Variants in LINGO2 observed in about 807,000 individuals in gnomAD.
LINGO2 encodes leucine-rich repeat and immunoglobulin-like domain-containing nogo receptor-interacting protein 2.
LINGO2 carries 14 observed loss-of-function variants against 30.6 expected under a neutral mutation model. The observed-to-expected ratio is 0.46, with a 90% CI of 0.30 to 0.72. The LOEUF (loss-of-function observed/expected upper bound fraction) is 0.72. LINGO2 is among the 30% of genes least tolerant of loss of function. The probability of loss-of-function intolerance (pLI) is 0.07; values close to 1 mark genes in which losing one functional copy is unlikely to be tolerated. For missense variants in LINGO2, 729 were observed against 751.7 expected (o/e 0.97, Z 0.35); for synonymous variants, 317 against 288.5 (o/e 1.10, Z -1.00).
intron 4 of LINGO2, among the ~76,000 whole-genome samples, chr9:28,257,039 A>C (rs1324774631): frequency 3.3e-5 from 5 of 151,860 alleles, no homozygotes; most frequent in Non-Finnish European, 7.4e-5. Context: ...ATTTCATGAC[A>C]CAAAAGTATT....
chr9:28,911,690 C>T, the LINGO2 span, among the ~76,000 whole-genome samples: 136,260 of 152,100 alleles, frequency 0.9, 61,319 homozygotes, highest in Non-Finnish European at 0.94. Context: ...TTCAACTCCA[C>T]AGAATGTTGT....
chr9:28,641,537 G>A (rs1247617083), intron 1 of LINGO2, among the ~76,000 whole-genome samples: 2 of 152,114 alleles, frequency 1.3e-5, no homozygotes, highest in Non-Finnish European at 1.5e-5. Context: ...TCTAACTAGA[G>A]GAGACCCAAC....
rs112068774 is a variant in LINGO2, at chr9:28,662,976, G to C, written c.-365+7224C>G. On this transcript the variant is annotated intron_variant, in intron 1 of 5. Coordinates refer to ENST00000379992, the Ensembl canonical transcript of LINGO2. ...TATTAACAAAGTTTCACACATCAAG[G>C]GTAGATGTGTGAGGGTTCAAGGGAG... Among the ~76,000 whole-genome samples the C allele has an allele frequency of 2.6e-4, 40 of 152,136 alleles. 1 individual carries two copies. The highest frequency in any genetic ancestry group is 8.7e-4 in the African/African-American group (36 of 41,530).
intron 3 of LINGO2, among the ~76,000 whole-genome samples, chr9:28,355,323 CTCTGTCTCTG>C (rs1820143622): frequency 1.1e-5 from 1 of 93,150 alleles, no homozygotes; most frequent in Non-Finnish European, 2.6e-5. Flanking sequence ...CTCTCTCTCT[CTCTGTCTCTG>C]TCTCTCTCTC....
chr9:28,981,935 TTCC>T, the LINGO2 span, among the ~76,000 whole-genome samples: 2 of 152,220 alleles, frequency 1.3e-5, no homozygotes, highest in African/African-American at 4.8e-5. Context: ...TGATTCTGCC[TTCC>T]TCAAGATCAC....
intron 5 of LINGO2, among the ~76,000 whole-genome samples, chr9:27,975,622 C>A (rs1434615274): frequency 6.6e-6 from 1 of 151,998 alleles, no homozygotes; most frequent in African/African-American, 2.4e-5. Flanking sequence ...TATATTAAGA[C>A]CCTGTTTTAT....
chr9:28,513,084 T>TACAC (rs57773955), intron 1 of LINGO2, among the ~76,000 whole-genome samples: 6,017 of 146,636 alleles, frequency 0.041, 163 homozygotes, highest in East Asian at 0.081. Flanking sequence ...TTAACCATCA[T>TACAC]ACACACACAC....
chr9:28,265,548 TA>T (rs1194795312), intron 4 of LINGO2, among the ~76,000 whole-genome samples: 1 of 152,022 alleles, frequency 6.6e-6, no homozygotes, highest in Non-Finnish European at 1.5e-5. Flanking sequence ...TGTAAGAAGA[TA>T]TTTTTGCTTT....
chr9:28,447,409 A>G (rs2135051661), intron 2 of LINGO2, among the ~76,000 whole-genome samples: 1 of 152,332 alleles, frequency 6.6e-6, no homozygotes, highest in Middle Eastern at 3.4e-3. Flanking sequence ...CAGAAGAGTG[A>G]GCCATCACCA....
chr9:27,989,160 C>G (rs1821267572), intron 5 of LINGO2, among the ~76,000 whole-genome samples: 1 of 151,960 alleles, frequency 6.6e-6, no homozygotes, highest in African/African-American at 2.4e-5. Context: ...CTGGAAAGCT[C>G]TAACCCAGGT....
chr9:28,311,953 AG>A (rs1279174157), intron 3 of LINGO2, among the ~76,000 whole-genome samples: 1 of 152,192 alleles, frequency 6.6e-6, no homozygotes, highest in African/African-American at 2.4e-5. Flanking sequence ...AAATTATAAA[AG>A]TATTAATTTG....
chr9:28,045,001 C>T (rs969841155), intron 4 of LINGO2, among the ~76,000 whole-genome samples: 1 of 152,040 alleles, frequency 6.6e-6, no homozygotes, highest in Non-Finnish European at 1.5e-5. Flanking sequence ...ATTTCGTAAT[C>T]CCAGTGTGCC....
At chr9:28,411,147 A>C (rs1323820284) in intron 2 of LINGO2, among the ~76,000 whole-genome samples, 3 of 128,000 alleles carry the variant, frequency 2.3e-5, no homozygotes, top group Non-Finnish European at 5.1e-5. Context: ...CTAAACAAAT[A>C]AATGTATGGA....
At chr9:29,034,831 TATC>T in the LINGO2 span, among the ~76,000 whole-genome samples, 1 of 152,206 alleles carries the variant, frequency 6.6e-6, no homozygotes, top group Admixed American at 6.6e-5. Flanking sequence ...CCTTCAGCAC[TATC>T]GATTTACTGA....
At chr9:28,403,861 GGAATAT>G (rs1362171306) in intron 2 of LINGO2, among the ~76,000 whole-genome samples, 1 of 151,902 alleles carries the variant, frequency 6.6e-6, no homozygotes, top group East Asian at 1.9e-4. Context: ...ATTTGCACAT[GGAATAT>G]GAATATAAGA....
chr9:29,077,107 T>A, the LINGO2 span, among the ~76,000 whole-genome samples: 1 of 152,068 alleles, frequency 6.6e-6, no homozygotes, highest in African/African-American at 2.4e-5. Context: ...GTATTTTATA[T>A]CGCTTTACTT....
At chr9:28,756,008 C>T in the LINGO2 span, among the ~76,000 whole-genome samples, 3 of 151,986 alleles carry the variant, frequency 2.0e-5, no homozygotes, top group Non-Finnish European at 4.4e-5. Flanking sequence ...ACCATAATCT[C>T]AATAATTACA....
chr9:28,246,922 C>A (rs887837033), intron 4 of LINGO2, among the ~76,000 whole-genome samples: 1 of 152,080 alleles, frequency 6.6e-6, no homozygotes, highest in African/African-American at 2.4e-5. Flanking sequence ...AACAAACAAA[C>A]AACCCTTTTT....
At chr9:28,063,569 G>A (rs763128298) in intron 4 of LINGO2, among the ~76,000 whole-genome samples, 52 of 152,078 alleles carry the variant, frequency 3.4e-4, no homozygotes, top group Middle Eastern at 3.4e-3. Flanking sequence ...AGGAAATTGA[G>A]ACTCAGAGTA....
Sources: gnomAD v4.1 joint callset for allele counts (sites outside exome capture counted in the v4.1 genomes callset) on GRCh38, gnomAD v4.1.1 for gene constraint, MANE v1.5 for transcripts, NCBI Gene and HGNC (gene_info 2026-07-23, HGNC 2026-07-21) for gene names.